The following ZMYND11 variants were observed in gnomAD, a reference collection of about 807,000 sequenced individuals.
ZMYND11 encodes the protein zinc finger MYND-type containing 11, also known as zinc finger MYND domain-containing protein 11.
Under a neutral mutation model 84.9 loss-of-function variants are expected in ZMYND11, and 9 were observed. The ratio of observed to expected loss-of-function variants is 0.11; its 90% CI spans 0.06 to 0.18. ZMYND11 has a LOEUF of 0.18. Ranked by LOEUF, ZMYND11 falls within the 10% of genes least tolerant of loss-of-function variation. The probability of loss-of-function intolerance (pLI) is 1.00; values close to 1 mark genes in which losing one functional copy is unlikely to be tolerated. For missense variants in ZMYND11, 409 were observed against 761.0 expected (o/e 0.54, Z 5.44); for synonymous variants, 250 against 244.1 (o/e 1.02, Z -0.23).
chr10:245,332 T>C, intron 10 of ZMYND11, among the ~76,000 whole-genome samples: 1 of 152,190 alleles, frequency 6.6e-6, no homozygotes, highest in East Asian at 1.9e-4. Context: ...ATTATAAAGC[T>C]TGGCTTGTAC....
chr10:172,041 T>C (rs1320240494), intron 1 of ZMYND11, among the ~76,000 whole-genome samples: 1 of 152,216 alleles, frequency 6.6e-6, no homozygotes, highest in African/African-American at 2.4e-5. Context: ...GATGATACTT[T>C]ATTGCTGTGT....
chr10:174,082 T>C (rs897710385), intron 1 of ZMYND11, among the ~76,000 whole-genome samples: 18 of 152,214 alleles, frequency 1.2e-4, no homozygotes, highest in African/African-American at 3.1e-4. Flanking sequence ...TGAAAACTTA[T>C]GTGCACATAA....
intron 1 of ZMYND11, among the ~76,000 whole-genome samples, chr10:137,989 A>G (rs577127384): frequency 2.0e-5 from 3 of 152,256 alleles, no homozygotes; most frequent in African/African-American, 7.2e-5. Flanking sequence ...TATTTTTGCA[A>G]TTACCATTTG....
At chr10:146,422 A>G (rs1369193970) in intron 1 of ZMYND11, among the ~76,000 whole-genome samples, 3 of 152,154 alleles carry the variant, frequency 2.0e-5, no homozygotes, top group Admixed American at 6.5e-5. Flanking sequence ...TCGTATTTTG[A>G]TAGGAATTGC....
intron 4 of ZMYND11, among the ~76,000 whole-genome samples, chr10:233,347 A>G (rs111478192): frequency 3.2e-3 from 485 of 152,316 alleles, no homozygotes; most frequent in African/African-American, 0.011. Context: ...TCCCTGGGCC[A>G]GTAGATCCCC....
In ZMYND11 at chr10:173,423, C is replaced by T. The variant is rs568125731; in HGVS notation, c.-19-6571C>T. Among the ~76,000 whole-genome samples the T allele has an allele frequency of 8.5e-5, 13 of 152,142 alleles. No individual in the cohort carries two copies. The South Asian group carries it at 1.9e-3, about 22-fold the overall frequency. On this transcript the variant is annotated intron_variant, in intron 1 of 14. Coordinates refer to ENST00000381604, the MANE Select transcript of ZMYND11 (RefSeq NM_001370100.5). ...ACCATCAAGCAAAACATACAAAGAA[C>T]GTCTAACATTAAATAATAAGAAAAT...
intron 3 of ZMYND11, among the ~76,000 whole-genome samples, chr10:214,602 C>T (rs1945834440): frequency 6.6e-6 from 1 of 152,174 alleles, no homozygotes; most frequent in Non-Finnish European, 1.5e-5. Flanking sequence ...TGGAAAAAGA[C>T]CGCAAGACCA....
chr10:163,639 T>A, intron 1 of ZMYND11, among the ~76,000 whole-genome samples: 1 of 152,188 alleles, frequency 6.6e-6, no homozygotes. Flanking sequence ...AAATGTTTAC[T>A]GTTTCTGCAT....
intron 1 of ZMYND11, among the ~76,000 whole-genome samples, chr10:171,621 T>G (rs1845340731): frequency 6.6e-6 from 1 of 152,130 alleles, no homozygotes; most frequent in South Asian, 2.1e-4. Context: ...ATAAAAATAG[T>G]TTATCAAAAT....
chr10:242,444 G>GT (rs1482148825), intron 10 of ZMYND11, among the ~76,000 whole-genome samples: 1 of 152,064 alleles, frequency 6.6e-6, no homozygotes, highest in East Asian at 1.9e-4. Flanking sequence ...TATGGTAATG[G>GT]AATTACCATT....
intron 2 of ZMYND11, among the ~76,000 whole-genome samples, chr10:188,900 T>A (rs1234721869): frequency 6.6e-6 from 1 of 152,198 alleles, no homozygotes; most frequent in Non-Finnish European, 1.5e-5. Context: ...GTTGGCTTGT[T>A]AATTATGGAC....
intron 1 of ZMYND11, among the ~76,000 whole-genome samples, chr10:170,207 A>G (rs1554765259): frequency 6.6e-6 from 1 of 152,156 alleles, no homozygotes; most frequent in East Asian, 1.9e-4. Context: ...GTAAAGATAC[A>G]GACTTTCTCA....
At chr10:190,353 T>C (rs1334127553) in intron 2 of ZMYND11, among the ~76,000 whole-genome samples, 1 of 152,152 alleles carries the variant, frequency 6.6e-6, no homozygotes, top group Non-Finnish European at 1.5e-5. Context: ...TTCCCATGCA[T>C]AGGTGTTGCT....
At chr10:249,796 T>C (rs1056041713) in intron 14 of ZMYND11, 17 of 969,362 alleles carry the variant, frequency 1.8e-5, no homozygotes, top group Non-Finnish European at 2.1e-5. Context: ...ATAAACTAAT[T>C]CTTCATTTTA....
chr10:243,329 TTGCTTCAA>T (rs1042331879), intron 10 of ZMYND11, among the ~76,000 whole-genome samples: 5 of 152,322 alleles, frequency 3.3e-5, no homozygotes, highest in African/African-American at 9.6e-5. Context: ...GGGGGAAAGT[TTGCTTCAA>T]TGTTTTTCAC....
intron 2 of ZMYND11, among the ~76,000 whole-genome samples, chr10:206,738 C>T (rs1944239472): frequency 6.6e-6 from 1 of 152,164 alleles, no homozygotes; most frequent in Non-Finnish European, 1.5e-5. Flanking sequence ...TTGGTCTTCT[C>T]ATACGTACTA....
chr10:228,589 C>T, intron 4 of ZMYND11, among the ~76,000 whole-genome samples: 1 of 152,144 alleles, frequency 6.6e-6, no homozygotes, highest in East Asian at 1.9e-4. Flanking sequence ...TGGATGTCAG[C>T]CCCGTTAATC....
intron 4 of ZMYND11, among the ~76,000 whole-genome samples, chr10:235,314 CCTT>C (rs1433012001): frequency 6.6e-6 from 1 of 152,080 alleles, no homozygotes; most frequent in East Asian, 1.9e-4. Flanking sequence ...TTCATATCCT[CCTT>C]CATGTGGCTG....
chr10:164,075 C>G (rs1296873774), intron 1 of ZMYND11, among the ~76,000 whole-genome samples: 1 of 152,158 alleles, frequency 6.6e-6, no homozygotes, highest in Non-Finnish European at 1.5e-5. Context: ...TCCCCTCACA[C>G]CCTACTCCAG....
Sources: gnomAD v4.1 joint callset for allele counts (sites outside exome capture counted in the v4.1 genomes callset) on GRCh38, gnomAD v4.1.1 for gene constraint, MANE v1.5 for transcripts, NCBI Gene and HGNC (gene_info 2026-07-23, HGNC 2026-07-21) for gene names.